The following NCKAP5 variants were observed in gnomAD, a reference collection of about 807,000 sequenced individuals.
NCKAP5 encodes the protein NCK associated protein 5, also known as nck-associated protein 5.
A neutral mutation model predicts 167.0 loss-of-function variants in NCKAP5; 92 were observed. That is an observed-to-expected ratio of 0.55 (90% CI 0.47 to 0.66). The LOEUF (loss-of-function observed/expected upper bound fraction) is 0.66, where lower values mean the gene tolerates loss of function less well. Among genes scored for constraint, NCKAP5 ranks in the 30% least tolerant of loss-of-function variants. The probability of loss-of-function intolerance (pLI) is 0.00; values close to 1 mark genes in which losing one functional copy is unlikely to be tolerated. For synonymous variants in NCKAP5, 891 were observed against 877.4 expected (o/e 1.02, Z -0.27); for missense variants, 2,378 against 2,315.0 (o/e 1.03, Z -0.56).
At chr2:133,443,818 G>A (rs1302047949) in intron 3 of NCKAP5, among the ~76,000 whole-genome samples, 2 of 152,086 alleles carry the variant, frequency 1.3e-5, no homozygotes, top group African/African-American at 4.8e-5. Context: ...GCGTTCTCCT[G>A]GTGATCTTTT....
rs1558775227 is a variant in NCKAP5 at position 132,785,445 on chromosome 2, C to T, written c.1366G>A (p.Asp456Asn). ...LKEYPPCKTA[D>N]LGSPCKEPHK... ...GGTTCCTTGCAGGGGCTCCCCAGGT[C>T]AGCTGTTTTGCAGGGGGGATACTCC... The change falls in exon 14 of 20, where the codon GAC becomes AAC. Residue 456 changes from aspartate (D) to asparagine (N), a missense_variant. Asp to Asn is a conservative substitution (Grantham distance 23, BLOSUM62 1). This residue lies in a region of NCKAP5 where 1,049 missense variants were observed against 1,023.4 expected (regional missense o/e 1.02). Coordinates refer to ENST00000409261, the MANE Select transcript of NCKAP5 (RefSeq NM_207363.3). The T allele has an allele frequency of 6.2e-7, 1 of 1,613,776 alleles. No individual in the cohort carries two copies. Among genetic ancestry groups the T allele is most frequent in the Admixed American group, 1.7e-5 (1 of 59,996 alleles).
Position 132,784,749 on chromosome 2 carries a change from C to T in NCKAP5, c.2062G>A (p.Val688Ile). The change falls in exon 14 of 20, where the codon GTT becomes ATT. Residue 688 changes from valine to isoleucine, a missense_variant. Around this residue, in one of 3 missense-constraint regions of NCKAP5, gnomAD observed 1,049 missense variants for 1,023.4 expected, o/e 1.02. Transcript: ENST00000409261. ...ATCTCATTTCTGGTAACAGTGACAA[C>T]CCCAGTCTGGTGAGAGCTGAATTCA... The part of the protein sequence containing the change: ...PIEFSSHQTG[V>I]VTVTRNEISI... 1 of 1,613,758 alleles carries T rather than the reference C, an allele frequency of 6.2e-7. No homozygotes were observed. The highest frequency in any genetic ancestry group is 8.5e-7 in the Non-Finnish European group (1 of 1,179,752).
intron 3 of NCKAP5, among the ~76,000 whole-genome samples, chr2:133,465,987 T>C (rs910321670): frequency 6.6e-6 from 1 of 151,926 alleles, no homozygotes; most frequent in Non-Finnish European, 1.5e-5. Context: ...GTAGTTTCTT[T>C]TGCTGTGCAG....
At chr2:133,418,378 T>C (rs1385039926) in intron 3 of NCKAP5, among the ~76,000 whole-genome samples, 1 of 152,198 alleles carries the variant, frequency 6.6e-6, no homozygotes, top group Admixed American at 6.5e-5. Flanking sequence ...TAGGATGGCT[T>C]GGAGGAACAA....
chr2:133,604,536 G>C, the NCKAP5 span, among the ~76,000 whole-genome samples: 1 of 151,996 alleles, frequency 6.6e-6, no homozygotes, highest in Non-Finnish European at 1.5e-5. Context: ...TAGGACACGT[G>C]GGGGGAATTC....
At chr2:133,631,415 T>C in the NCKAP5 span, among the ~76,000 whole-genome samples, 1 of 152,254 alleles carries the variant, frequency 6.6e-6, no homozygotes, top group Non-Finnish European at 1.5e-5. Context: ...TTCTGTTTAA[T>C]AAATGTAAAA....
chr2:133,638,730 G>A, the NCKAP5 span, among the ~76,000 whole-genome samples: 5 of 152,026 alleles, frequency 3.3e-5, no homozygotes, highest in East Asian at 9.7e-4. Context: ...GTGGTGGCAG[G>A]CACCTGTAAC....
At chr2:133,586,773 A>ACACG in the NCKAP5 span, among the ~76,000 whole-genome samples, 1 of 151,728 alleles carries the variant, frequency 6.6e-6, no homozygotes, top group African/African-American at 2.4e-5. Context: ...ACACACACAC[A>ACACG]CACACACACA....
intron 6 of NCKAP5, among the ~76,000 whole-genome samples, chr2:133,071,456 A>T (rs925501212): frequency 6.6e-6 from 1 of 152,140 alleles, no homozygotes; most frequent in Non-Finnish European, 1.5e-5. Context: ...AAAAACAAAA[A>T]ACAAACAAAC....
chr2:133,345,986 G>T (rs1453425812), intron 3 of NCKAP5, among the ~76,000 whole-genome samples: 3 of 152,158 alleles, frequency 2.0e-5, no homozygotes, highest in African/African-American at 7.2e-5. Context: ...AGAAGCAGCA[G>T]CAGGAAGTGT....
At chr2:132,717,136 G>A (rs963423064) in intron 19 of NCKAP5, among the ~76,000 whole-genome samples, 3 of 152,202 alleles carry the variant, frequency 2.0e-5, no homozygotes, top group Non-Finnish European at 4.4e-5. Flanking sequence ...GTCATGGTCA[G>A]TACTTTTCAT....
intron 4 of NCKAP5, among the ~76,000 whole-genome samples, chr2:133,257,026 T>C (rs2088652893): frequency 6.6e-6 from 1 of 152,198 alleles, no homozygotes; most frequent in African/African-American, 2.4e-5. Flanking sequence ...AATTTTGCAA[T>C]TATACCATGA....
chr2:133,449,755 G>A (rs577365666), intron 3 of NCKAP5, among the ~76,000 whole-genome samples: 3 of 151,652 alleles, frequency 2.0e-5, no homozygotes, highest in African/African-American at 7.3e-5. Flanking sequence ...GTGCTGTATC[G>A]ATTTGAACTA....
At chr2:132,829,896 G>A (rs1004131065) in intron 11 of NCKAP5, among the ~76,000 whole-genome samples, 1 of 152,184 alleles carries the variant, frequency 6.6e-6, no homozygotes, top group Non-Finnish European at 1.5e-5. Context: ...CATTAGGTTT[G>A]TTTGTGGCTG....
chr2:132,795,839 C>CAAAA (rs1246383506), intron 12 of NCKAP5, among the ~76,000 whole-genome samples: 2 of 110,676 alleles, frequency 1.8e-5, no homozygotes, highest in African/African-American at 3.4e-5. Context: ...AAAAAAAAAA[C>CAAAA]AAAAAAAACA....
chr2:133,604,772 G>A, the NCKAP5 span, among the ~76,000 whole-genome samples: 204 of 152,256 alleles, frequency 1.3e-3, no homozygotes, highest in African/African-American at 4.6e-3. Context: ...GTCAGTACAC[G>A]AGTAGGGCTA....
At chr2:133,197,826 T>C (rs909554965) in intron 5 of NCKAP5, among the ~76,000 whole-genome samples, 36 of 152,180 alleles carry the variant, frequency 2.4e-4, no homozygotes, top group African/African-American at 6.3e-4. Flanking sequence ...GGTGCGTTCC[T>C]ATAGTCCCAG....
chr2:133,021,675 A>G (rs1048507181), intron 6 of NCKAP5, among the ~76,000 whole-genome samples: 1 of 152,162 alleles, frequency 6.6e-6, no homozygotes, highest in African/African-American at 2.4e-5. Context: ...TCTGTCGCCC[A>G]GGCGGGAGTG....
chr2:133,175,874 G>A (rs960627597), intron 5 of NCKAP5, among the ~76,000 whole-genome samples: 4 of 152,150 alleles, frequency 2.6e-5, no homozygotes, highest in African/African-American at 9.7e-5. Flanking sequence ...TGTGAAGGAT[G>A]AAGGCCAGAA....
Sources: allele counts gnomAD v4.1 joint callset (sites outside exome capture counted in the v4.1 genomes callset), GRCh38; gene constraint gnomAD v4.1.1; regional missense constraint gnomAD v4.1.1; transcripts MANE v1.5; gene names NCBI Gene and HGNC (gene_info 2026-07-23, HGNC 2026-07-21).